XIAP: variants seen among roughly 807,000 people sequenced by gnomAD.
XIAP encodes the protein E3 ubiquitin-protein ligase XIAP.
XIAP carries 3 observed loss-of-function variants against 33.1 expected under a neutral mutation model. The observed-to-expected ratio is 0.09, with a 90% confidence interval of 0.04 to 0.23. The LOEUF is 0.23. XIAP is among the 10% of genes least tolerant of loss of function. The pLI is 1.00. For synonymous variants in XIAP, 98 were observed against 121.3 expected (o/e 0.81, Z 1.26); for missense variants, 264 against 363.0 (o/e 0.73, Z 2.22).
intron 3 of XIAP, among the ~76,000 whole-genome samples, chrX:123,889,342 G>T (rs1178194039): frequency 9.3e-6 from 1 of 107,505 alleles, no homozygotes; most frequent in East Asian, 3.0e-4. Context: ...CGCCCGCCTC[G>T]GCCTCCCAAA....
At chrX:123,900,233 A>G (rs28382735) in intron 5 of XIAP, among the ~76,000 whole-genome samples, 1,209 of 111,681 alleles carry the variant, frequency 0.011, 14 homozygotes, top group African/African-American at 0.038. Flanking sequence ...TTTCTTGCCT[A>G]TTTTACCTTG....
chrX:123,871,161 T>C (rs944124649), intron 1 of XIAP, among the ~76,000 whole-genome samples: 1 of 110,974 alleles, frequency 9.0e-6, no homozygotes, highest in Non-Finnish European at 1.9e-5. Flanking sequence ...CAGGGTGGTC[T>C]CGAACTCCTG....
Position 123,911,746 on chromosome X carries a change from A to G in XIAP, c.*4565A>G. The G allele has an allele frequency of 3.0e-6, 1 of 329,491 alleles. No individual in the cohort carries two copies. Among genetic ancestry groups the G allele is most frequent in the Admixed American group, 3.1e-5 (1 of 32,244 alleles). The allele number at this position is 329,491 out of a possible 1,213,427, so 27.2% of individuals were successfully genotyped here. On this transcript the variant is annotated 3_prime_UTR_variant, in exon 7 of 7. Coordinates refer to ENST00000371199, the MANE Select transcript of XIAP (RefSeq NM_001167.4). Reference sequence around the variant, plus strand: ...AAATTGAAAAGATTATTCTTCTCAAATTTAGTTGAGCTTTCTAAGAGAAGC... The same window carrying G: ...AAATTGAAAAGATTATTCTTCTCAAGTTTAGTTGAGCTTTCTAAGAGAAGC...
In XIAP at chrX:123,912,668, A is replaced by G. The variant is rs1380155428; in HGVS notation, c.*5487A>G. ...TAAAGTATGTGATGAAGATGTGCAT[A>G]CATTATATGCAAATACTGTTTTTTT... On this transcript the variant is annotated 3_prime_UTR_variant, in exon 7 of 7. Coordinates refer to ENST00000371199, the MANE Select transcript of XIAP (RefSeq NM_001167.4). 2.6e-5 allele frequency: 8 copies of G among 309,355 alleles called. No individual in the cohort carries two copies. Among genetic ancestry groups the G allele is most frequent in the Non-Finnish European group, 4.2e-5 (7 of 164,711 alleles). 25.5% of individuals were successfully genotyped at this position (309,355 alleles called of 1,213,427 possible).
rs200212934 is a variant in XIAP at position 123,886,259 on chromosome X, G to A, written c.597G>A (p.Gln199=). 1 of 1,212,189 alleles carries A rather than the reference G, an allele frequency of 8.2e-7. No individual in the cohort carries two copies. The change falls in exon 2 of 7, where the codon CAG becomes CAA. Residue 199 remains glutamine, a synonymous_variant. Transcript: ENST00000371199. The stretch of plus-strand genomic sequence containing the variant: ...ACACAGGTATTGGTGACCAAGTGCA[G>A]TGCTTTTGTTGTGGTGGAAAACTGA... ...LYYTGIGDQV[Q]CFCCGGKLKN...
At chrX:123,904,208 A>C (rs781591838) in intron 6 of XIAP, among the ~76,000 whole-genome samples, 7 of 111,021 alleles carry the variant, frequency 6.3e-5, no homozygotes, top group African/African-American at 2.3e-4. Flanking sequence ...GAGAGCTGGG[A>C]TTATAGGCGT....
At chrX:123,875,670 A>G (rs146731680) in intron 1 of XIAP, among the ~76,000 whole-genome samples, 115 of 106,739 alleles carry the variant, frequency 1.1e-3, no homozygotes, top group African/African-American at 3.6e-3. Context: ...CTATCAACGT[A>G]TTAATCTTTT....
At chrX:123,864,460 T>G (rs951154483) in intron 1 of XIAP, among the ~76,000 whole-genome samples, 1 of 85,267 alleles carries the variant, frequency 1.2e-5, no homozygotes, top group Non-Finnish European at 2.3e-5. Context: ...CTTCTGTTTT[T>G]TTTTTTTTTT....
chrX:123,884,442 C>G (rs1388778041), intron 1 of XIAP, among the ~76,000 whole-genome samples: 1 of 106,347 alleles, frequency 9.4e-6, no homozygotes, highest in Non-Finnish European at 1.9e-5. Context: ...AGTATCACAC[C>G]ATTGCACTCC....
chrX:123,913,300 T>C lies in XIAP; in HGVS notation c.*6119T>C, dbSNP rs1424606851. On this transcript the variant is annotated 3_prime_UTR_variant, in exon 7 of 7. Transcript: ENST00000371199. Reference sequence around the variant, plus strand: ...CAGCCTGGCCAACATGCTGAAACCCTGTCTGTACAAAAATACAAAAATAGC... The same window carrying C: ...CAGCCTGGCCAACATGCTGAAACCCCGTCTGTACAAAAATACAAAAATAGC... The C allele has an allele frequency of 6.1e-6, 2 of 326,287 alleles. No individual in the cohort carries two copies. The highest frequency in any genetic ancestry group is 1.2e-5 in the Non-Finnish European group (2 of 169,220). The allele number at this position is 326,287 out of a possible 1,213,427, so 26.9% of individuals were successfully genotyped here.
At chrX:123,881,298 C>T in intron 1 of XIAP, among the ~76,000 whole-genome samples, 1 of 111,351 alleles carries the variant, frequency 9.0e-6, no homozygotes, top group Non-Finnish European at 1.9e-5. Flanking sequence ...TCTATATTCT[C>T]AATTCATCTG....
rs35471589 is a variant in XIAP, at chrX:123,867,049, C to CA, written c.-33+6756_-33+6757insA. Among the ~76,000 whole-genome samples the CA allele has an allele frequency of 3.8e-3, 210 of 55,103 alleles. 11 individuals are homozygous for CA. Among genetic ancestry groups the CA allele is most frequent in the African/African-American group, 0.014 (199 of 13,739 alleles). 47.9% of individuals were successfully genotyped at this position (55,103 alleles called of 115,157 possible). A position where few individuals can be genotyped will look rare whatever the true frequency, so the allele number is the denominator to read the frequency against. ...CAGGTTGTTTTAATCCCCCCCCCCC[C>CA]TTCAACATTCTATAGTTAACATTTC... is the stretch of plus-strand genomic sequence containing the variant. On this transcript the variant is annotated intron_variant, in intron 1 of 6. Transcript: ENST00000371199.
intron 5 of XIAP, among the ~76,000 whole-genome samples, chrX:123,896,513 A>T (rs2053461456): frequency 9.3e-6 from 1 of 108,075 alleles, no homozygotes; most frequent in Admixed American, 1.0e-4. Flanking sequence ...GATGATAGTT[A>T]TTTATATATA....
At position 123,899,173 on chromosome X, in the gene XIAP, A is replaced by G. The variant is rs78684289; in HGVS notation, c.1100-1320A>G. On this transcript the variant is annotated intron_variant, in intron 5 of 6. Coordinates refer to ENST00000371199, the MANE Select transcript of XIAP (RefSeq NM_001167.4). ...TATATATATATATATATATGATTTT[A>G]TATATATATGATTTTATATATATAT... is the stretch of plus-strand genomic sequence containing the variant. Among the ~76,000 whole-genome samples, 30 of 51,746 alleles carry G rather than the reference A, an allele frequency of 5.8e-4. 7 individuals carry two copies. Among genetic ancestry groups the G allele is most frequent in the Admixed American group, 4.9e-3 (18 of 3,637 alleles). 44.9% of individuals were successfully genotyped at this position (51,746 alleles called of 115,157 possible).
intron 1 of XIAP, among the ~76,000 whole-genome samples, chrX:123,866,087 C>T (rs1447639409): frequency 3.8e-4 from 42 of 110,649 alleles, no homozygotes; most frequent in Non-Finnish European, 6.6e-4. Flanking sequence ...ATTACAGGCG[C>T]ACGCCACCAC....
intron 1 of XIAP, among the ~76,000 whole-genome samples, chrX:123,866,488 ATGAT>A (rs1470390682): frequency 2.1e-4 from 15 of 72,512 alleles, no homozygotes; most frequent in Non-Finnish European, 3.7e-4. Context: ...TATATTATAT[ATGAT>A]TAATATATAA....
At chrX:123,871,873 C>T (rs985079235) in intron 1 of XIAP, among the ~76,000 whole-genome samples, 4 of 110,320 alleles carry the variant, frequency 3.6e-5, no homozygotes, top group African/African-American at 1.3e-4. Flanking sequence ...GAGAATGAGG[C>T]GGGAGGATCA....
chrX:123,877,034 A>T (rs2053252164), intron 1 of XIAP, among the ~76,000 whole-genome samples: 1 of 110,486 alleles, frequency 9.1e-6, no homozygotes, highest in African/African-American at 3.3e-5. Flanking sequence ...TAAAGGAGAG[A>T]GTCTCATATT....
intron 1 of XIAP, among the ~76,000 whole-genome samples, chrX:123,881,042 A>G (rs937738146): frequency 9.0e-6 from 1 of 110,600 alleles, no homozygotes; most frequent in Non-Finnish European, 1.9e-5. Context: ...TTTTGCTTCC[A>G]TAGTGCTATT....
Sources: gnomAD v4.1 joint callset for allele counts (sites outside exome capture counted in the v4.1 genomes callset) on GRCh38, gnomAD v4.1.1 for gene constraint, MANE v1.5 for transcripts, NCBI Gene and HGNC (gene_info 2026-07-23, HGNC 2026-07-21) for gene names.